The following ZMPSTE24 variants were observed in gnomAD, a reference collection of about 807,000 sequenced individuals.
ZMPSTE24 encodes the protein CAAX prenyl protease 1 homolog.
In ZMPSTE24, 48 loss-of-function variants were observed where a neutral mutation model predicts 56.7. The observed-to-expected ratio is 0.85, with a 90% CI of 0.67 to 1.08. The LOEUF (loss-of-function observed/expected upper bound fraction) is 1.08. Ranked by LOEUF, ZMPSTE24 falls within the 50% of genes least tolerant of loss-of-function variation. The pLI is 0.00. For synonymous variants in ZMPSTE24, 172 were observed against 195.2 expected, an observed-to-expected ratio of 0.88 and a Z score of 0.99; for missense variants, 503 against 548.7, an observed-to-expected ratio of 0.92 and a Z score of 0.83.
chr1:40,293,309 T>G lies in ZMPSTE24; in HGVS notation c.*640T>G, dbSNP rs964809309. On this transcript the variant is annotated 3_prime_UTR_variant, in exon 10 of 10. Transcript: ENST00000372759. ...AGTTAGAAATTATGTATAGGATATT[T>G]TAAATCATTGAGTTTTGTGGGGTTT... 2 of 152,260 alleles carry G rather than the reference T, an allele frequency of 1.3e-5. No homozygotes were observed. The highest frequency in any genetic ancestry group is 4.8e-5 in the African/African-American group (2 of 41,468). 9.4% of individuals were successfully genotyped at this position (152,260 alleles called of 1,614,324 possible).
chr1:40,292,307 C>T lies in ZMPSTE24; in HGVS notation c.1204-138C>T, dbSNP rs917536780. On this transcript the variant is annotated intron_variant, in intron 9 of 9. Coordinates refer to ENST00000372759, the MANE Select transcript of ZMPSTE24 (RefSeq NM_005857.5). ...TTATAATTTCCTCACCCTAGGTCCCCTAAATATTAGTGATCTTTCTTTTGT... is the reference window on the plus strand; with the variant it reads ...TTATAATTTCCTCACCCTAGGTCCCTTAAATATTAGTGATCTTTCTTTTGT... 12 of 800,432 alleles carry T rather than the reference C, an allele frequency of 1.5e-5. No homozygotes were observed. The African/African-American group carries it at 1.7e-4, about 11-fold the overall frequency. The allele number at this position is 800,432 out of a possible 1,614,324, so 49.6% of individuals were successfully genotyped here.
intron 6 of ZMPSTE24, among the ~76,000 whole-genome samples, chr1:40,272,574 C>CT (rs1276604337): frequency 6.6e-6 from 1 of 152,144 alleles, no homozygotes; most frequent in Non-Finnish European, 1.5e-5. Flanking sequence ...TTATACTCTG[C>CT]TTTTTTGATG....
chr1:40,287,243 A>G (rs1472723940), intron 8 of ZMPSTE24, among the ~76,000 whole-genome samples: 1 of 150,676 alleles, frequency 6.6e-6, no homozygotes, highest in Non-Finnish European at 1.5e-5. Context: ...ATTTTTTTGT[A>G]TTTTTGGTAG....
chr1:40,265,373 T>C (rs925394399), intron 2 of ZMPSTE24, among the ~76,000 whole-genome samples: 1 of 152,138 alleles, frequency 6.6e-6, no homozygotes, highest in African/African-American at 2.4e-5. Flanking sequence ...GAATTAGTTG[T>C]AGTAAAGTGG....
intron 5 of ZMPSTE24, 82 bp downstream of exon 5, chr1:40,270,209 T>C (rs1643600150): frequency 6.7e-7 from 1 of 1,494,172 alleles, no homozygotes; most frequent in South Asian, 1.2e-5. Flanking sequence ...TGTAAACAGT[T>C]CTTAAGAAGC....
rs536262356 is a variant in ZMPSTE24 at position 40,290,621 on chromosome 1, C to T, written c.1060-233C>T. 21 of 399,294 alleles carry T rather than the reference C, an allele frequency of 5.3e-5. No individual in the cohort carries two copies. The East Asian group carries it at 8.6e-4, about 16-fold the overall frequency. 24.7% of individuals were successfully genotyped at this position (399,294 alleles called of 1,614,324 possible). ...GACTACAGGCATCCGCCACCACGTC[C>T]GGCTAATTTTTTCTGCATTTTTAGT... On this transcript the variant is annotated intron_variant, in intron 8 of 9. Coordinates refer to ENST00000372759, the MANE Select transcript of ZMPSTE24 (RefSeq NM_005857.5).
chr1:40,268,425 C>A lies in ZMPSTE24; in HGVS notation c.364C>A (p.Gln122Lys). ...AGFGPEYEIT[Q>K]SLVFLLLATL... ...TGTTTTTTCTTTTGTTTAGATCACT[C>A]AGTCCCTGGTGTTTCTGCTGTTGGC... The change falls in exon 4 of 10, where the codon CAG (glutamine) becomes AAG (lysine). Residue 122 changes from glutamine to lysine, a missense_variant. By Grantham distance (53) the Gln-to-Lys change is moderately conservative (BLOSUM62 1). Transcript: ENST00000372759. 2 of 1,610,600 alleles carry A rather than the reference C, an allele frequency of 1.2e-6. No homozygotes were observed. Among genetic ancestry groups the A allele is most frequent in the South Asian group, 1.1e-5 (1 of 91,036 alleles).
chr1:40,259,801 G>A (rs1439137507), intron 1 of ZMPSTE24, among the ~76,000 whole-genome samples: 2 of 151,926 alleles, frequency 1.3e-5, no homozygotes, highest in East Asian at 3.9e-4. Flanking sequence ...TTGTAGAGAT[G>A]TTGCCCGGGG....
At chr1:40,273,669 T>C (rs1643639605) in intron 6 of ZMPSTE24, among the ~76,000 whole-genome samples, 1 of 146,680 alleles carries the variant, frequency 6.8e-6, no homozygotes, top group Admixed American at 6.9e-5. Flanking sequence ...AGCCAGTTCA[T>C]ACTTACTTCT....
rs756503886 is a variant in ZMPSTE24, at chr1:40,292,719, C to A, written c.*50C>A. 13 of 1,544,000 alleles carry A rather than the reference C, an allele frequency of 8.4e-6. No individual in the cohort carries two copies. The highest frequency in any genetic ancestry group is 9.8e-6 in the Non-Finnish European group (11 of 1,118,366). On this transcript the variant is annotated 3_prime_UTR_variant, in exon 10 of 10. Transcript: ENST00000372759. ...ACATTTCTGATTATTTCTGTCCTGGCAGCATGTTCCAGCTCTTGATGTTTT... is the reference window on the plus strand; with the variant it reads ...ACATTTCTGATTATTTCTGTCCTGGAAGCATGTTCCAGCTCTTGATGTTTT...
chr1:40,269,458 T>C (rs962007128), intron 4 of ZMPSTE24, among the ~76,000 whole-genome samples: 1 of 152,122 alleles, frequency 6.6e-6, no homozygotes, highest in Non-Finnish European at 1.5e-5. Flanking sequence ...GTTTTTCAGC[T>C]ACTAATCATT....
intron 2 of ZMPSTE24, 75 bp downstream of exon 2, chr1:40,261,060 G>T (rs1242053955): frequency 1.9e-6 from 3 of 1,555,872 alleles, no homozygotes. Flanking sequence ...ACAAAAGAGG[G>T]TACCACACTT....
intron 6 of ZMPSTE24, among the ~76,000 whole-genome samples, chr1:40,276,396 A>G (rs1643671777): frequency 6.6e-6 from 1 of 152,176 alleles, no homozygotes; most frequent in Non-Finnish European, 1.5e-5. Context: ...GAGGCTAAGG[A>G]GGAGAGGCCC....
In ZMPSTE24 at chr1:40,258,288, C is replaced by T. The variant is rs373684692; in HGVS notation, c.17C>T (p.Ser6Leu). 14 of 1,613,900 alleles carry T rather than the reference C, an allele frequency of 8.7e-6. No individual in the cohort carries two copies. The highest frequency in any genetic ancestry group is 1.3e-5 in the African/African-American group (1 of 74,916). Residue 6 changes from serine to leucine, a missense_variant, in exon 1 of 10, where the codon TCG (serine) becomes TTG (leucine). Coordinates refer to ENST00000372759, the MANE Select transcript of ZMPSTE24 (RefSeq NM_005857.5). ...CGGGTGGCCATGGGGATGTGGGCAT[C>T]GCTGGACGCTTTGTGGGAGATGCCG... MGMWA[S>L]LDALWEMPAE...
chr1:40,278,138 A>G (rs984799096), intron 6 of ZMPSTE24, among the ~76,000 whole-genome samples: 2 of 152,152 alleles, frequency 1.3e-5, no homozygotes, highest in African/African-American at 4.8e-5. Flanking sequence ...CTATTTGTCA[A>G]AGTTTTACTA....
intron 6 of ZMPSTE24, among the ~76,000 whole-genome samples, chr1:40,276,247 T>C (rs1342599082): frequency 6.6e-6 from 1 of 152,008 alleles, no homozygotes; most frequent in African/African-American, 2.4e-5. Flanking sequence ...TATGTATGAG[T>C]CTGGAGTTTT....
intron 1 of ZMPSTE24, 132 bp downstream of exon 1, chr1:40,258,526 G>C: frequency 6.6e-7 from 1 of 1,512,502 alleles, no homozygotes; most frequent in Non-Finnish European, 9.0e-7. Context: ...GCTGAGTCTC[G>C]TAACTTGGCC....
chr1:40,288,973 C>T (rs1643812320), intron 8 of ZMPSTE24, among the ~76,000 whole-genome samples: 1 of 151,960 alleles, frequency 6.6e-6, no homozygotes, highest in African/African-American at 2.4e-5. Context: ...CACTGCCTTC[C>T]AAGACCATCC....
intron 8 of ZMPSTE24, among the ~76,000 whole-genome samples, chr1:40,289,657 C>T (rs1254089293): frequency 6.6e-6 from 1 of 152,214 alleles, no homozygotes; most frequent in Non-Finnish European, 1.5e-5. Flanking sequence ...ATGTGGCCTC[C>T]AAGATCCTAA....
Sources: allele counts gnomAD v4.1 joint callset (sites outside exome capture counted in the v4.1 genomes callset), GRCh38; gene constraint gnomAD v4.1.1; transcripts MANE v1.5; gene names NCBI Gene and HGNC (gene_info 2026-07-23, HGNC 2026-07-21).